The following SPOCK3 variants were observed in gnomAD, a reference collection of about 807,000 sequenced individuals.
SPOCK3 encodes the protein testican-3.
SPOCK3 carries 30 observed loss-of-function variants against 56.6 expected under a neutral mutation model. The ratio of observed to expected loss-of-function variants is 0.53; its 90% CI spans 0.40 to 0.72. SPOCK3 has a LOEUF of 0.72. Ranked by LOEUF, SPOCK3 falls within the 30% of genes least tolerant of loss-of-function variation. SPOCK3 has a pLI of 0.00. For synonymous variants in SPOCK3, 196 were observed against 183.3 expected, an observed-to-expected ratio of 1.07 and a Z score of -0.56; for missense variants, 527 against 530.0, an observed-to-expected ratio of 0.99 and a Z score of 0.06.
At chr4:167,028,035 T>C (rs943814167) in intron 3 of SPOCK3, among the ~76,000 whole-genome samples, 1 of 152,098 alleles carries the variant, frequency 6.6e-6, no homozygotes, top group Non-Finnish European at 1.5e-5. Flanking sequence ...TTATTTACCA[T>C]ACTTCTGTTT....
chr4:167,164,636 C>A (rs751996196), intron 2 of SPOCK3, among the ~76,000 whole-genome samples: 1 of 151,868 alleles, frequency 6.6e-6, no homozygotes, highest in African/African-American at 2.4e-5. Flanking sequence ...GTTCCCCTCC[C>A]TGTGTCCATG....
chr4:166,877,781 TA>T (rs1733249695), intron 6 of SPOCK3, among the ~76,000 whole-genome samples: 1 of 152,222 alleles, frequency 6.6e-6, no homozygotes, highest in African/African-American at 2.4e-5. Context: ...CAAGTGATTT[TA>T]CATTTAACTG....
chr4:166,931,106 C>T (rs1008674629), intron 4 of SPOCK3, among the ~76,000 whole-genome samples: 9 of 152,228 alleles, frequency 5.9e-5, no homozygotes, highest in Non-Finnish European at 1.0e-4. Context: ...TTCAGCCTCC[C>T]GAGCAGCTGA....
At chr4:167,071,576 T>C (rs1270274709) in intron 2 of SPOCK3, among the ~76,000 whole-genome samples, 1 of 152,080 alleles carries the variant, frequency 6.6e-6, no homozygotes, top group African/African-American at 2.4e-5. Flanking sequence ...GAACTCATCT[T>C]GTTTTATGGC....
intron 4 of SPOCK3, among the ~76,000 whole-genome samples, chr4:166,990,399 TA>T (rs11389694): frequency 4.6e-5 from 7 of 151,112 alleles, no homozygotes; most frequent in African/African-American, 1.7e-4. Context: ...ATAAAAAAAT[TA>T]AAAAAAAATG....
intron 5 of SPOCK3, among the ~76,000 whole-genome samples, chr4:166,894,072 A>G (rs1016081772): frequency 5.3e-5 from 8 of 152,164 alleles, no homozygotes; most frequent in African/African-American, 1.9e-4. Context: ...AGTTAAACAT[A>G]GTAACAACAT....
chr4:167,017,641 A>G (rs1750752677), intron 3 of SPOCK3, among the ~76,000 whole-genome samples: 1 of 152,098 alleles, frequency 6.6e-6, no homozygotes, highest in Non-Finnish European at 1.5e-5. Context: ...CAATGCAGAT[A>G]CCTGAGTTAA....
At chr4:166,996,972 GT>G in intron 4 of SPOCK3, among the ~76,000 whole-genome samples, 1 of 152,204 alleles carries the variant, frequency 6.6e-6, no homozygotes, top group East Asian at 1.9e-4. Flanking sequence ...CTCATTTCAT[GT>G]TTAAATATCC....
At chr4:167,156,119 A>G (rs979192015) in intron 2 of SPOCK3, among the ~76,000 whole-genome samples, 1 of 152,210 alleles carries the variant, frequency 6.6e-6, no homozygotes, top group Non-Finnish European at 1.5e-5. Context: ...CATTTAGTCA[A>G]TATGAGTTGA....
intron 6 of SPOCK3, among the ~76,000 whole-genome samples, chr4:166,888,789 T>C (rs1579546308): frequency 6.6e-6 from 1 of 151,864 alleles, no homozygotes; most frequent in East Asian, 1.9e-4. Flanking sequence ...TACTACTTTA[T>C]CAATAATCAG....
At chr4:166,904,280 A>G (rs1455762526) in intron 5 of SPOCK3, among the ~76,000 whole-genome samples, 12 of 152,016 alleles carry the variant, frequency 7.9e-5, no homozygotes, top group Non-Finnish European at 1.5e-4. Flanking sequence ...TGTTAAAATT[A>G]AGAAGTTAAT....
chr4:166,976,266 C>T (rs530853780), intron 4 of SPOCK3, among the ~76,000 whole-genome samples: 7 of 152,260 alleles, frequency 4.6e-5, no homozygotes, highest in South Asian at 4.1e-4. Context: ...TGTTATCAAA[C>T]GCTACTGGCT....
chr4:167,222,516 A>ATGTTATATATTCATATATGAATC (rs1736036089), intron 2 of SPOCK3, among the ~76,000 whole-genome samples: 4 of 146,604 alleles, frequency 2.7e-5, no homozygotes, highest in African/African-American at 7.4e-5. Context: ...AATATATAAT[A>ATGTTATATATTCATATATGAATC]TATAACATGT....
At chr4:167,152,470 CCAGA>C (rs756678756) in intron 2 of SPOCK3, among the ~76,000 whole-genome samples, 2 of 152,100 alleles carry the variant, frequency 1.3e-5, no homozygotes, top group Non-Finnish European at 2.9e-5. Context: ...TATAACTAAT[CCAGA>C]CAGTCGAGTA....
intron 4 of SPOCK3, among the ~76,000 whole-genome samples, chr4:166,951,976 A>T (rs2150038214): frequency 6.6e-6 from 1 of 152,214 alleles, no homozygotes; most frequent in South Asian, 2.1e-4. Context: ...AGCCAATATC[A>T]TACTGAATGG....
chr4:166,835,222 T>C (rs1344601676), intron 6 of SPOCK3, among the ~76,000 whole-genome samples: 1 of 152,164 alleles, frequency 6.6e-6, no homozygotes, highest in African/African-American at 2.4e-5. Context: ...ACTATTATCA[T>C]TGCTGAGATT....
intron 2 of SPOCK3, among the ~76,000 whole-genome samples, chr4:167,184,485 A>G (rs941061308): frequency 6.6e-6 from 1 of 152,196 alleles, no homozygotes; most frequent in Non-Finnish European, 1.5e-5. Flanking sequence ...TGAGCCAGGT[A>G]CCACTGCAGG....
chr4:166,980,236 T>A (rs1561080060), intron 4 of SPOCK3, among the ~76,000 whole-genome samples: 1 of 152,240 alleles, frequency 6.6e-6, no homozygotes, highest in East Asian at 1.9e-4. Context: ...AATATGTACA[T>A]CTCTTTTATT....
intron 4 of SPOCK3, among the ~76,000 whole-genome samples, chr4:166,918,700 T>G (rs901828416): frequency 1.3e-5 from 2 of 152,202 alleles, no homozygotes; most frequent in African/African-American, 4.8e-5. Flanking sequence ...AAAATACCTT[T>G]AAAAATTATT....
Sources: gnomAD v4.1 joint callset for allele counts (sites outside exome capture counted in the v4.1 genomes callset) on GRCh38, gnomAD v4.1.1 for gene constraint, MANE v1.5 for transcripts, NCBI Gene and HGNC (gene_info 2026-07-23, HGNC 2026-07-21) for gene names.